KLHL32: variants seen among roughly 807,000 people sequenced by gnomAD.
KLHL32 encodes the protein kelch like family member 32.
Under a neutral mutation model 64.8 loss-of-function variants are expected in KLHL32, and 35 were observed. The ratio of observed to expected loss-of-function variants is 0.54; its 90% CI spans 0.41 to 0.72. KLHL32 has a LOEUF of 0.72. Ranked by LOEUF, KLHL32 falls within the 30% of genes least tolerant of loss-of-function variation. The pLI is 0.00. For synonymous variants in KLHL32, 259 were observed against 281.0 expected, an observed-to-expected ratio of 0.92 and a Z score of 0.78; for missense variants, 589 against 768.5, an observed-to-expected ratio of 0.77 and a Z score of 2.76.
At chr6:97,057,583 G>A (rs1788211765) in intron 4 of KLHL32, among the ~76,000 whole-genome samples, 1 of 144,562 alleles carries the variant, frequency 6.9e-6, no homozygotes, top group South Asian at 2.1e-4. Flanking sequence ...AAAATCAGAT[G>A]GTTCATTTTT....
At chr6:96,976,968 A>G (rs1775770911) in intron 3 of KLHL32, among the ~76,000 whole-genome samples, 1 of 152,164 alleles carries the variant, frequency 6.6e-6, no homozygotes, top group Non-Finnish European at 1.5e-5. Flanking sequence ...ATGGACCTTC[A>G]TGGTCAGTAC....
intron 3 of KLHL32, among the ~76,000 whole-genome samples, chr6:96,976,619 A>G (rs1219765692): frequency 6.6e-6 from 1 of 152,168 alleles, no homozygotes; most frequent in African/African-American, 2.4e-5. Flanking sequence ...TGTTTTTGAG[A>G]CAAAGTCTCG....
rs191119931 is a variant in KLHL32, at chr6:97,109,793, C to T, written c.628-3990C>T. On this transcript the variant is annotated intron_variant, in intron 6 of 10. Coordinates refer to ENST00000369261, the MANE Select transcript of KLHL32 (RefSeq NM_052904.4). ...TATCTAATGTCTCTAGTGCTGTTTC[C>T]GGTAGTATCTATGTGGATGCAGAAC... 4.3e-4 allele frequency among the ~76,000 whole-genome samples: 65 copies of T among 152,194 alleles called. No homozygotes were observed. In the Middle Eastern group the frequency reaches 0.01, roughly 24 times the overall value.
At chr6:97,063,174 C>G (rs906771402) in intron 4 of KLHL32, among the ~76,000 whole-genome samples, 35 of 152,184 alleles carry the variant, frequency 2.3e-4, no homozygotes, top group Non-Finnish European at 7.3e-5. Context: ...GAAAGCAGTG[C>G]AACTAGCTAG....
At chr6:96,976,846 G>T (rs371997412) in intron 3 of KLHL32, among the ~76,000 whole-genome samples, 4 of 152,060 alleles carry the variant, frequency 2.6e-5, no homozygotes, top group Middle Eastern at 3.2e-3. Context: ...TAATCTGCCC[G>T]CCTCGGCCTC....
At chr6:97,045,230 C>G (rs1785744037) in intron 4 of KLHL32, among the ~76,000 whole-genome samples, 1 of 152,154 alleles carries the variant, frequency 6.6e-6, no homozygotes, top group South Asian at 2.1e-4. Flanking sequence ...AATTTCAAGA[C>G]TTAGGAAATT....
chr6:97,129,456 T>G (rs916266002), intron 8 of KLHL32, among the ~76,000 whole-genome samples: 1 of 152,210 alleles, frequency 6.6e-6, no homozygotes, highest in Non-Finnish European at 1.5e-5. Flanking sequence ...AAAATTAAAG[T>G]CATATTTGGT....
intron 1 of KLHL32, among the ~76,000 whole-genome samples, chr6:96,948,878 T>C (rs936136888): frequency 1.3e-5 from 2 of 152,202 alleles, no homozygotes; most frequent in Non-Finnish European, 2.9e-5. Flanking sequence ...CCTCTTTTTC[T>C]GACTCATGCG....
At chr6:96,920,918 C>T (rs1246287176), upstream of KLHL32, among the ~76,000 whole-genome samples, 1 of 152,048 alleles carries the variant, frequency 6.6e-6, no homozygotes, top group East Asian at 1.9e-4. Context: ...ATTGGAATTA[C>T]TGGACCAAAA....
chr6:97,023,394 C>T (rs1782281728), intron 3 of KLHL32, among the ~76,000 whole-genome samples: 1 of 152,150 alleles, frequency 6.6e-6, no homozygotes, highest in South Asian at 2.1e-4. Flanking sequence ...TAAAACTGAT[C>T]AGTGTAACTT....
intron 6 of KLHL32, among the ~76,000 whole-genome samples, chr6:97,089,452 T>C (rs1318426854): frequency 6.6e-6 from 1 of 152,238 alleles, no homozygotes; most frequent in Non-Finnish European, 1.5e-5. Context: ...AACTGTTTCT[T>C]ACTTTTAGTG....
intron 3 of KLHL32, among the ~76,000 whole-genome samples, chr6:97,031,407 C>T (rs1341242174): frequency 6.6e-6 from 1 of 151,792 alleles, no homozygotes; most frequent in Admixed American, 6.6e-5. Context: ...GTGATCATGG[C>T]TCACTGCAGC....
the KLHL32 span, among the ~76,000 whole-genome samples, chr6:96,906,422 T>G: frequency 1.3e-5 from 2 of 151,936 alleles, no homozygotes; most frequent in African/African-American, 4.8e-5. Flanking sequence ...GGTCAGGTGG[T>G]GGTAGAGGTT....
intron 4 of KLHL32, among the ~76,000 whole-genome samples, chr6:97,051,383 T>G (rs1766453): frequency 0.12 from 17,769 of 152,234 alleles, 1,098 homozygotes; most frequent in African/African-American, 0.15. Flanking sequence ...ATGGTTTTAT[T>G]GTCATAGGTG....
intron 6 of KLHL32, among the ~76,000 whole-genome samples, chr6:97,109,025 A>C (rs1439249747): frequency 6.6e-6 from 1 of 152,214 alleles, no homozygotes; most frequent in African/African-American, 2.4e-5. Flanking sequence ...TATGAATGGA[A>C]ATCTGTCCAA....
intron 5 of KLHL32, among the ~76,000 whole-genome samples, chr6:97,080,620 A>G (rs980176233): frequency 3.2e-4 from 48 of 152,330 alleles, no homozygotes; most frequent in African/African-American, 1.1e-3. Context: ...GACCTGACCC[A>G]GGGAAGTTGA....
intron 4 of KLHL32, 62 bp from the exon 5 acceptor site, chr6:97,064,566 T>G: frequency 1.7e-6 from 2 of 1,154,574 alleles, no homozygotes; most frequent in Non-Finnish European, 2.6e-6. Context: ...TATCTACATA[T>G]TAAGCAGCAT....
At chr6:97,030,864 G>T (rs1189001544) in intron 3 of KLHL32, among the ~76,000 whole-genome samples, 2 of 152,016 alleles carry the variant, frequency 1.3e-5, no homozygotes, top group Admixed American at 1.3e-4. Context: ...CTGTAGGGTG[G>T]TAGGACATCA....
At chr6:97,116,148 T>C (rs1797786714) in intron 7 of KLHL32, among the ~76,000 whole-genome samples, 1 of 152,166 alleles carries the variant, frequency 6.6e-6, no homozygotes. Flanking sequence ...AAGGGAAGAC[T>C]AGGACTAAGG....
Sources: gnomAD v4.1 joint callset for allele counts (sites outside exome capture counted in the v4.1 genomes callset) on GRCh38, gnomAD v4.1.1 for gene constraint, MANE v1.5 for transcripts, NCBI Gene and HGNC (gene_info 2026-07-23, HGNC 2026-07-21) for gene names.